The following LZTR1 variants were observed in gnomAD, a reference collection of about 807,000 sequenced individuals.
LZTR1 encodes leucine zipper like post translational regulator 1.
In LZTR1, 260 loss-of-function variants were observed where a neutral mutation model predicts 105.7. The ratio of observed to expected loss-of-function variants is 2.46; its 90% confidence interval spans 2.22 to 2.72. The LOEUF (loss-of-function observed/expected upper bound fraction) is 2.72. Ranked by LOEUF, LZTR1 falls within the 30% of genes most tolerant of loss-of-function variation. The probability of loss-of-function intolerance (pLI) is 0.00; values close to 1 mark genes in which losing one functional copy is unlikely to be tolerated. For synonymous variants in LZTR1, 490 were observed against 476.4 expected, an observed-to-expected ratio of 1.03 and a Z score of -0.37; for missense variants, 1,214 against 1,166.9, an observed-to-expected ratio of 1.04 and a Z score of -0.59.
rs760948342 is a variant in LZTR1, at chr22:20,994,607, G to A, written c.1665G>A (p.Leu555=). The A allele has an allele frequency of 1.9e-6, 3 of 1,612,602 alleles. No homozygotes were observed. Among genetic ancestry groups the A allele is most frequent in the Middle Eastern group, 1.6e-4 (1 of 6,062 alleles). Residue 555 remains leucine, a synonymous_variant, in exon 15 of 21, where the codon CTG becomes CTA. Coordinates refer to ENST00000646124, the MANE Select transcript of LZTR1 (RefSeq NM_006767.4). ...TCATGGATGTGTACAAACTGGCACT[G>A]AGCTTCCAGTTGTGCCGCCTGGAGC... ...LLIMDVYKLA[L]SFQLCRLEQL... is the part of the protein sequence containing the mutation.
Position 20,994,552 on chromosome 22 carries a change from G to C in LZTR1, c.1616-6G>C, listed in dbSNP as rs756305977. On this transcript the variant is annotated splice_polypyrimidine_tract_variant and splice_region_variant and intron_variant, in intron 14 of 20. Transcript: ENST00000646124. ...CTCCCTGAGATTCGGGGGCTCTGGG[G>C]CGCAGGCCATGTGGAGGATGTGCTG... 6.2e-7 allele frequency: 1 copy of C among 1,607,536 alleles called. No individual in the cohort carries two copies. Among genetic ancestry groups the C allele is most frequent in the Non-Finnish European group, 8.5e-7 (1 of 1,179,228 alleles).
Position 20,993,911 on chromosome 22 carries a change from A to G in LZTR1, c.1354-13A>G, listed in dbSNP as rs1362852233. On this transcript the variant is annotated splice_polypyrimidine_tract_variant and intron_variant, in intron 12 of 20. Coordinates refer to ENST00000646124, the MANE Select transcript of LZTR1 (RefSeq NM_006767.4). ...GTCCTGTGCCCTCTGCCAGTGCATC[A>G]TTCTTTGTGCAGAAGGAGGAGTGCG... is the stretch of plus-strand genomic sequence containing the variant. 1.9e-6 allele frequency: 3 copies of G among 1,609,826 alleles called. No homozygotes were observed. The highest frequency in any genetic ancestry group is 1.3e-5 in the African/African-American group (1 of 74,920).
At chr22:20,991,921 CT>C (rs1924622090) in intron 9 of LZTR1, 92 bp downstream of exon 9, 2 of 1,269,956 alleles carry the variant, frequency 1.6e-6, no homozygotes, top group Admixed American at 4.5e-5. Flanking sequence ...TTGGGGCCCC[CT>C]GGGGTTCCAG....
Position 20,994,680 on chromosome 22 carries a change from CTG to C in LZTR1, c.1739_1740del (p.Leu580ArgfsTer88). ...IEASVDLQNV[L>X]VVCESAARLQ... ...GGCCTCCGTGGACCTGCAGAACGTGCTGGTTGTGTGCGAGAGTGCCGCCCGGC... is the reference window on the plus strand; with the variant it reads ...GGCCTCCGTGGACCTGCAGAACGTGCGTTGTGTGCGAGAGTGCCGCCCGGC... On this transcript the variant is annotated frameshift_variant, in exon 15 of 21. Transcript: ENST00000646124. LOFTEE classifies it high-confidence loss of function. 1 of 1,612,924 alleles carries C rather than the reference CTG, an allele frequency of 6.2e-7. No homozygotes were observed. Among genetic ancestry groups the C allele is most frequent in the Non-Finnish European group, 8.5e-7 (1 of 1,179,996 alleles).
In LZTR1 at chr22:20,996,945, C is replaced by G; in HGVS notation, c.2385C>G (p.Ile795Met). Residue 795 changes from isoleucine (I) to methionine (M), a missense_variant, in exon 20 of 21, where the codon ATC (isoleucine) becomes ATG (methionine). Coordinates refer to ENST00000646124, the MANE Select transcript of LZTR1 (RefSeq NM_006767.4). ...ALDMKRHCLHIIVHQFTKVSK... is the reference protein window; with the variant it reads ...ALDMKRHCLHMIVHQFTKVSK... Reference sequence around the variant, plus strand: ...ACATGAAGCGGCACTGCCTGCACATCATTGTGCACCAGTTCACCAAGGTCA... The same window carrying G: ...ACATGAAGCGGCACTGCCTGCACATGATTGTGCACCAGTTCACCAAGGTCA... The G allele has an allele frequency of 3.1e-6, 5 of 1,613,638 alleles. No homozygotes were observed. Among genetic ancestry groups the G allele is most frequent in the Non-Finnish European group, 4.2e-6 (5 of 1,179,884 alleles).
In LZTR1 at chr22:20,985,059, AT is replaced by A. The variant is rs34655832; in HGVS notation, c.264-763del. On this transcript the variant is annotated intron_variant, in intron 2 of 20. Coordinates refer to ENST00000646124, the MANE Select transcript of LZTR1 (RefSeq NM_006767.4). ...GGCAGGAAAGCAAGACTTCGTTTCT[AT>A]TTTTTTTTTTTTTTTTTTGAGATGG... Among the ~76,000 whole-genome samples the A allele has an allele frequency of 1.1e-3, 131 of 120,310 alleles. 2 individuals carry two copies. The highest frequency in any genetic ancestry group is 3.2e-3 in the African/African-American group (96 of 30,188). 78.9% of individuals were successfully genotyped at this position (120,310 alleles called of 152,430 possible).
At chr22:20,987,432 G>C in intron 3 of LZTR1, 72 bp from the exon 4 acceptor site, 1 of 834,520 alleles carries the variant, frequency 1.2e-6, no homozygotes, top group Non-Finnish European at 2.1e-6. Flanking sequence ...CAGGGATGCA[G>C]GGCCACCCTG....
chr22:20,993,274 AGG>A (rs1254257957), intron 11 of LZTR1: 1 of 427,056 alleles, frequency 2.3e-6, no homozygotes, highest in African/African-American at 2.0e-5. Flanking sequence ...TGGTCAGGGC[AGG>A]GACTCACAGC....
rs2147965376 is a variant in LZTR1 at position 20,992,219 on chromosome 22, TG to T, written c.1003del (p.Ala335LeufsTer16). On this transcript the variant is annotated frameshift_variant, in exon 10 of 21. Coordinates refer to ENST00000646124, the MANE Select transcript of LZTR1 (RefSeq NM_006767.4). LOFTEE classifies it high-confidence loss of function. ...VQPSSDSEVG[G>X]AEVPERACAS... ...CATGTGTCTCCCCTCTTCAGGTTGG[TG>T]GGGCTGAAGTGCCCGAGCGAGCCTG... 6.2e-7 allele frequency: 1 copy of T among 1,613,214 alleles called. No individual in the cohort carries two copies. The highest frequency in any genetic ancestry group is 2.2e-5 in the East Asian group (1 of 44,862).
Position 20,997,250 on chromosome 22 carries a change from C to G in LZTR1, c.2425C>G (p.Leu809Val). ...QFTKVSKLPT[L>V]RSLSQQLLLD... is the part of the protein sequence containing the mutation. The stretch of plus-strand genomic sequence containing the variant: ...CTTACAGGTCTCCAAGTTGCCCACC[C>G]TGCGGTCGCTGAGCCAGCAGCTGCT... Residue 809 changes from leucine to valine, a missense_variant, in exon 21 of 21, where the codon CTG (leucine) becomes GTG (valine). Transcript: ENST00000646124. 8 of 1,613,626 alleles carry G rather than the reference C, an allele frequency of 5.0e-6. No homozygotes were observed. Among genetic ancestry groups the G allele is most frequent in the Non-Finnish European group, 6.8e-6 (8 of 1,179,676 alleles).
chr22:20,997,002 C>A, intron 20 of LZTR1, 36 bp downstream of exon 20: 1 of 1,606,004 alleles, frequency 6.2e-7, no homozygotes, highest in Non-Finnish European at 8.5e-7. Flanking sequence ...GACTCGCTTC[C>A]CCTTGGCAGT....
At chr22:20,994,341 C>A in intron 14 of LZTR1, 72 bp downstream of exon 14, 1 of 1,499,228 alleles carries the variant, frequency 6.7e-7, no homozygotes, top group Non-Finnish European at 9.0e-7. Flanking sequence ...AAGGTGGGTG[C>A]TGCCAGCCCT....
rs1389937904 is a variant in LZTR1 at position 20,994,946 on chromosome 22, C to T, written c.1862C>T (p.Ser621Phe). The T allele has an allele frequency of 1.2e-6, 2 of 1,613,328 alleles. No individual in the cohort carries two copies. Among genetic ancestry groups the T allele is most frequent in the Non-Finnish European group, 1.7e-6 (2 of 1,179,978 alleles). The stretch of plus-strand genomic sequence containing the variant: ...ATGATGAAGGAGTTCGAGCGCCTCT[C>T]CTCTCCACTGATAGTGGAGATTGTG... ...VIMMKEFERLSSPLIVEIVRR... is the reference protein window; with the variant it reads ...VIMMKEFERLFSPLIVEIVRR... Residue 621 changes from serine (S) to phenylalanine (F), a missense_variant, in exon 16 of 21, where the codon TCC (serine) becomes TTC (phenylalanine). Physicochemically the swap from Ser to Phe is radical, Grantham distance 155 (BLOSUM62 -2). Transcript: ENST00000646124.
At position 20,997,417 on chromosome 22, in the gene LZTR1, C is replaced by T. The variant is rs867192381; in HGVS notation, c.*69C>T. The T allele has an allele frequency of 1.4e-5, 16 of 1,172,298 alleles. No homozygotes were observed. Among genetic ancestry groups the T allele is most frequent in the Middle Eastern group, 3.9e-4 (2 of 5,182 alleles). The allele number at this position is 1,172,298 out of a possible 1,614,324, so 72.6% of individuals were successfully genotyped here. A position where few individuals can be genotyped will look rare whatever the true frequency, so the allele number is the denominator to read the frequency against. On this transcript the variant is annotated 3_prime_UTR_variant, in exon 21 of 21. Transcript: ENST00000646124. ...CTGCCCTGCCTACTGAGAAGACTAC[C>T]GGCTATGCGCATGCCTATGGCAGTG...
chr22:20,993,486 A>G, intron 11 of LZTR1, 176 bp from the exon 12 acceptor site: 1 of 606,526 alleles, frequency 1.6e-6, no homozygotes, highest in Non-Finnish European at 3.0e-6. Context: ...GGCTGGAGCC[A>G]GGCTGTATTT....
intron 10 of LZTR1, 117 bp from the exon 11 acceptor site, chr22:20,992,677 C>A: frequency 5.6e-6 from 4 of 713,352 alleles, no homozygotes; most frequent in African/African-American, 5.3e-5. Flanking sequence ...CTTGGGGACC[C>A]TGCCCCCTGG....
chr22:20,990,681 T>G (rs1428861523), intron 8 of LZTR1, 156 bp downstream of exon 8: 6 of 777,238 alleles, frequency 7.7e-6, no homozygotes, highest in African/African-American at 1.8e-5. Flanking sequence ...GGATGTGCGG[T>G]GCCCCTGGCA....
rs765881289 is a variant in LZTR1 at position 20,991,741 on chromosome 22, C to T, written c.905C>T (p.Ala302Val). The T allele has an allele frequency of 1.2e-5, 19 of 1,571,696 alleles. No individual in the cohort carries two copies. The highest frequency in any genetic ancestry group is 7.0e-5 in the East Asian group (3 of 42,828). Residue 302 changes from alanine to valine, a missense_variant, in exon 9 of 21, where the codon GCG becomes GTG. Coordinates refer to ENST00000646124, the MANE Select transcript of LZTR1 (RefSeq NM_006767.4). Reference sequence around the variant, plus strand: ...CGCCACCTCTATGTGTTTGGGGGTGCGGCCGACAACACGCTGCCCAACGAG... The same window carrying T: ...CGCCACCTCTATGTGTTTGGGGGTGTGGCCGACAACACGCTGCCCAACGAG... ...FDRHLYVFGG[A>V]ADNTLPNELH...
intron 8 of LZTR1, chr22:20,991,057 A>T (rs951155175): frequency 1.2e-5 from 2 of 162,764 alleles, no homozygotes; most frequent in African/African-American, 4.8e-5. Flanking sequence ...GGATGAGGGA[A>T]ATTGTCAAGG....
Sources: allele counts gnomAD v4.1 joint callset (sites outside exome capture counted in the v4.1 genomes callset), GRCh38; gene constraint gnomAD v4.1.1; transcripts MANE v1.5; gene names NCBI Gene and HGNC (gene_info 2026-07-23, HGNC 2026-07-21).